Variants in FSTL5 observed in about 807,000 individuals in gnomAD.
FSTL5 encodes follistatin-related protein 5.
Under a neutral mutation model 89.1 loss-of-function variants are expected in FSTL5, and 62 were observed. The observed-to-expected ratio is 0.70, with a 90% CI of 0.57 to 0.86. The LOEUF (loss-of-function observed/expected upper bound fraction) is 0.86, where lower values mean the gene tolerates loss of function less well. Ranked by LOEUF, FSTL5 falls within the 40% of genes least tolerant of loss-of-function variation. The pLI, the probability that FSTL5 is intolerant of heterozygous loss-of-function variation, is 0.00. For synonymous variants in FSTL5, 383 were observed against 346.2 expected (o/e 1.11, Z -1.18); for missense variants, 1,057 against 1,001.6 (o/e 1.06, Z -0.75).
At chr4:161,389,847 G>A (rs1018056823) in intron 15 of FSTL5, among the ~76,000 whole-genome samples, 13 of 151,950 alleles carry the variant, frequency 8.6e-5, no homozygotes, top group African/African-American at 3.1e-4. Context: ...CATTCTCTGT[G>A]GGACAACAGA....
At chr4:161,544,848 C>T (rs1731953572) in intron 8 of FSTL5, among the ~76,000 whole-genome samples, 1 of 151,854 alleles carries the variant, frequency 6.6e-6, no homozygotes, top group African/African-American at 2.4e-5. Flanking sequence ...GTTACCTTTC[C>T]TGATTTGATA....
chr4:161,762,856 C>T (rs1030251128), intron 5 of FSTL5, among the ~76,000 whole-genome samples: 6 of 152,040 alleles, frequency 3.9e-5, no homozygotes, highest in African/African-American at 1.5e-4. Context: ...ATCTTGGGCC[C>T]TCCAATGGTT....
intron 15 of FSTL5, among the ~76,000 whole-genome samples, chr4:161,446,536 T>C (rs2126380458): frequency 6.6e-6 from 1 of 152,090 alleles, no homozygotes; most frequent in East Asian, 1.9e-4. Context: ...CCCTTTTCCT[T>C]TGACAGAAAA....
chr4:161,897,127 T>C (rs975332667), intron 4 of FSTL5, among the ~76,000 whole-genome samples: 1 of 151,682 alleles, frequency 6.6e-6, no homozygotes, highest in African/African-American at 2.4e-5. Context: ...ATTAGATATC[T>C]TTAAAAAGAA....
intron 13 of FSTL5, among the ~76,000 whole-genome samples, chr4:161,468,356 C>T (rs891683586): frequency 4.0e-5 from 6 of 151,494 alleles, no homozygotes; most frequent in Admixed American, 1.3e-4. Flanking sequence ...TAAAGGGTGG[C>T]ATGGGACAGA....
chr4:161,474,088 A>C (rs1734041977), intron 13 of FSTL5, among the ~76,000 whole-genome samples: 1 of 151,882 alleles, frequency 6.6e-6, no homozygotes, highest in South Asian at 2.1e-4. Flanking sequence ...GAAATGTTTA[A>C]ATTTCTCATT....
chr4:161,985,362 CACATAGTTG>C (rs1368184995), intron 3 of FSTL5, among the ~76,000 whole-genome samples: 1 of 152,098 alleles, frequency 6.6e-6, no homozygotes, highest in Non-Finnish European at 1.5e-5. Flanking sequence ...TATGTCACAT[CACATAGTTG>C]TATATGAAGT....
intron 6 of FSTL5, among the ~76,000 whole-genome samples, chr4:161,684,474 G>A (rs1737640005): frequency 6.6e-6 from 1 of 152,118 alleles, no homozygotes; most frequent in Admixed American, 6.5e-5. Context: ...GCCGGAGTTA[G>A]GTTGAATAGC....
chr4:161,684,134 T>C (rs912809258), intron 6 of FSTL5, among the ~76,000 whole-genome samples: 5 of 152,008 alleles, frequency 3.3e-5, no homozygotes, highest in African/African-American at 1.2e-4. Flanking sequence ...TGGTATACAG[T>C]AGTATTCCAT....
intron 12 of FSTL5, among the ~76,000 whole-genome samples, chr4:161,492,663 TCAA>T (rs1484220868): frequency 6.6e-6 from 1 of 151,806 alleles, no homozygotes; most frequent in Non-Finnish European, 1.5e-5. Flanking sequence ...TAAAATTGAA[TCAA>T]CAACATTTTG....
intron 3 of FSTL5, among the ~76,000 whole-genome samples, chr4:161,940,533 T>C (rs760861070): frequency 1.0e-4 from 15 of 150,622 alleles, no homozygotes; most frequent in Non-Finnish European, 1.9e-4. Context: ...ACTTGCCCTA[T>C]TTAAAAAAAA....
intron 6 of FSTL5, among the ~76,000 whole-genome samples, chr4:161,657,111 A>C (rs1490533562): frequency 1.3e-5 from 2 of 152,212 alleles, no homozygotes; most frequent in African/African-American, 4.8e-5. Context: ...ACCAGTGTGC[A>C]TATTTCTGCT....
At chr4:162,161,133 T>C (rs748132456) in intron 1 of FSTL5, among the ~76,000 whole-genome samples, 2 of 151,962 alleles carry the variant, frequency 1.3e-5, no homozygotes, top group Non-Finnish European at 2.9e-5. Flanking sequence ...TGTATATATT[T>C]GCAGTGTGTC....
rs1178279316 is a variant in FSTL5, at chr4:161,980,124, AAAAG to A, written c.160+53497_160+53500del. 3.1e-4 allele frequency among the ~76,000 whole-genome samples: 45 copies of A among 145,148 alleles called. 1 individual carries two copies. The highest frequency in any genetic ancestry group is 1.3e-3 in the Admixed American group (19 of 14,768). ...AAAGAGGAAGGAAGGAGAGAAAAGG[AAAAG>A]AAAGAAAGAGAAAAGAAGGATAAAG... On this transcript the variant is annotated intron_variant, in intron 3 of 15. Transcript: ENST00000306100.
At chr4:161,981,133 C>G (rs1735817043) in intron 3 of FSTL5, among the ~76,000 whole-genome samples, 1 of 152,048 alleles carries the variant, frequency 6.6e-6, no homozygotes, top group Non-Finnish European at 1.5e-5. Context: ...CAAAGGAACA[C>G]TTTATAGTTC....
intron 4 of FSTL5, among the ~76,000 whole-genome samples, chr4:161,787,253 A>G (rs925964984): frequency 6.6e-6 from 1 of 152,116 alleles, no homozygotes; most frequent in Non-Finnish European, 1.5e-5. Flanking sequence ...TGATAAGAGA[A>G]CAGAAAATAT....
chr4:161,629,296 T>C (rs1219176143), intron 7 of FSTL5, among the ~76,000 whole-genome samples: 1 of 151,988 alleles, frequency 6.6e-6, no homozygotes, highest in Non-Finnish European at 1.5e-5. Flanking sequence ...TAAGGAAGAG[T>C]GAAAACACAA....
At chr4:161,625,584 C>T (rs1735289143) in intron 7 of FSTL5, among the ~76,000 whole-genome samples, 1 of 152,074 alleles carries the variant, frequency 6.6e-6, no homozygotes, top group South Asian at 2.1e-4. Context: ...CCCTAAGACA[C>T]AAATTTTAAA....
In FSTL5 at chr4:161,776,081, C is replaced by A; in HGVS notation, c.410-7G>T. 1 of 1,367,368 alleles carries A rather than the reference C, an allele frequency of 7.3e-7. No individual in the cohort carries two copies. The highest frequency in any genetic ancestry group is 9.9e-7 in the Non-Finnish European group (1 of 1,014,724). 84.7% of individuals were successfully genotyped at this position (1,367,368 alleles called of 1,614,324 possible). A position where few individuals can be genotyped will look rare whatever the true frequency, so the allele number is the denominator to read the frequency against. On this transcript the variant is annotated splice_polypyrimidine_tract_variant and splice_region_variant and intron_variant, in intron 4 of 15. Coordinates refer to ENST00000306100, the MANE Select transcript of FSTL5 (RefSeq NM_020116.5). ...GTAGTCTTGCACTTATCTCCTGTAACAAAAGAACTAGTTATTTTCAAGCAA... is the reference window on the plus strand; with the variant it reads ...GTAGTCTTGCACTTATCTCCTGTAAAAAAAGAACTAGTTATTTTCAAGCAA...
Sources: allele counts gnomAD v4.1 joint callset (sites outside exome capture counted in the v4.1 genomes callset), GRCh38; gene constraint gnomAD v4.1.1; transcripts MANE v1.5; gene names NCBI Gene and HGNC (gene_info 2026-07-23, HGNC 2026-07-21).